Variants in TLN2 observed in about 807,000 individuals in gnomAD.
TLN2 encodes talin-2.
In TLN2, 118 loss-of-function variants were observed where a neutral mutation model predicts 294.7. The ratio of observed to expected loss-of-function variants is 0.40; its 90% CI spans 0.34 to 0.47. TLN2 has a LOEUF of 0.47. TLN2 is among the 20% of genes least tolerant of loss of function. TLN2 has a pLI of 0.84. For synonymous variants in TLN2, 1,431 were observed against 1,304.5 expected (o/e 1.10, Z -2.09); for missense variants, 3,083 against 3,282.2 (o/e 0.94, Z 1.48).
intron 1 of TLN2, among the ~76,000 whole-genome samples, chr15:62,551,935 G>T (rs2042338776): frequency 6.6e-6 from 1 of 152,182 alleles, no homozygotes; most frequent in African/African-American, 2.4e-5. Context: ...TATTGTTTTA[G>T]GCTTTAGAGT....
chr15:62,421,393 C>T (rs2034381214), intron 1 of TLN2, among the ~76,000 whole-genome samples: 1 of 152,004 alleles, frequency 6.6e-6, no homozygotes, highest in African/African-American at 2.4e-5. Flanking sequence ...TACTAGGGGG[C>T]AGGTTAACAC....
chr15:62,728,512 A>C (rs1384894454), intron 28 of TLN2, among the ~76,000 whole-genome samples: 1 of 152,036 alleles, frequency 6.6e-6, no homozygotes, highest in African/African-American at 2.4e-5. Context: ...TGTTCAGTAC[A>C]TTTCTTTCAG....
intron 32 of TLN2, among the ~76,000 whole-genome samples, chr15:62,746,494 C>G (rs1333140472): frequency 6.6e-6 from 1 of 152,184 alleles, no homozygotes; most frequent in Non-Finnish European, 1.5e-5. Flanking sequence ...GTCAATCTTA[C>G]AAAAACTATT....
At chr15:62,505,216 C>T (rs993667106) in intron 1 of TLN2, among the ~76,000 whole-genome samples, 1 of 152,162 alleles carries the variant, frequency 6.6e-6, no homozygotes, top group Non-Finnish European at 1.5e-5. Flanking sequence ...CTCGGCCTCC[C>T]AAAGTGCTGG....
intron 9 of TLN2, among the ~76,000 whole-genome samples, chr15:62,668,960 T>A (rs942001363): frequency 6.6e-6 from 1 of 152,226 alleles, no homozygotes; most frequent in Non-Finnish European, 1.5e-5. Flanking sequence ...ATTCTAACTT[T>A]GAACTTACAC....
intron 1 of TLN2, among the ~76,000 whole-genome samples, chr15:62,437,773 GTC>G (rs1339421531): frequency 2.6e-5 from 4 of 151,026 alleles, no homozygotes; most frequent in Non-Finnish European, 2.9e-5. Context: ...GTGTGTGTGT[GTC>G]TGTCTGTCTG....
chr15:62,678,317 A>G (rs1023554722), intron 11 of TLN2, among the ~76,000 whole-genome samples: 2 of 152,216 alleles, frequency 1.3e-5, no homozygotes, highest in African/African-American at 4.8e-5. Flanking sequence ...GAATGAGTCA[A>G]TATTAAGAAT....
intron 1 of TLN2, among the ~76,000 whole-genome samples, chr15:62,586,176 C>T (rs182278026): frequency 1.4e-3 from 215 of 152,290 alleles, no homozygotes; most frequent in Admixed American, 3.9e-3. Context: ...GGACTTGTTT[C>T]GCACTAAAGG....
intron 1 of TLN2, among the ~76,000 whole-genome samples, chr15:62,541,140 T>G (rs1596063137): frequency 6.6e-6 from 1 of 152,090 alleles, no homozygotes; most frequent in East Asian, 1.9e-4. Context: ...TCACCCCGAG[T>G]AGATGATTTT....
At chr15:62,675,736 G>A (rs1171362423) in intron 11 of TLN2, among the ~76,000 whole-genome samples, 1 of 152,206 alleles carries the variant, frequency 6.6e-6, no homozygotes. Context: ...TATACTTTAA[G>A]ACAGGGCTTG....
chr15:62,770,893 CTG>C, intron 41 of TLN2, 69 bp from the exon 42 acceptor site: 1 of 1,533,416 alleles, frequency 6.5e-7, no homozygotes, highest in South Asian at 1.3e-5. Context: ...CCGCGCCTGA[CTG>C]TGGAGCCCCT....
intron 2 of TLN2, among the ~76,000 whole-genome samples, chr15:62,606,168 G>A (rs1184510080): frequency 4.6e-5 from 7 of 151,948 alleles, no homozygotes; most frequent in East Asian, 1.9e-4. Flanking sequence ...TGCAACCTCC[G>A]CCTCCCAGGT....
intron 1 of TLN2, among the ~76,000 whole-genome samples, chr15:62,463,342 CGTT>C (rs939179454): frequency 2.6e-5 from 4 of 152,044 alleles, no homozygotes; most frequent in African/African-American, 4.8e-5. Context: ...TGGTGAGAAC[CGTT>C]GTTGTTAATT....
intron 11 of TLN2, among the ~76,000 whole-genome samples, chr15:62,682,321 T>A (rs1181413432): frequency 6.6e-6 from 1 of 152,230 alleles, no homozygotes; most frequent in Non-Finnish European, 1.5e-5. Context: ...AATTTAAAAT[T>A]GGAAAATTCA....
In TLN2 at chr15:62,784,976, C is replaced by T. The variant is rs2064519518; in HGVS notation, c.5736+1086C>T. On this transcript the variant is annotated intron_variant, in intron 45 of 58. Coordinates refer to ENST00000636159, the MANE Select transcript of TLN2 (RefSeq NM_015059.3). ...CCGAGAGATATTCCAGAAATGAAGT[C>T]CCAAAACAAATCACTTTCTAATGTG... 3 of 152,228 alleles carry T rather than the reference C, an allele frequency of 2.0e-5. No individual in the cohort carries two copies. In the South Asian group the frequency reaches 6.2e-4, roughly 32 times the overall value. The allele number at this position is 152,228 out of a possible 1,614,324, so 9.4% of individuals were successfully genotyped here. A position where few individuals can be genotyped will look rare whatever the true frequency, so the allele number is the denominator to read the frequency against.
chr15:62,716,231 T>C, intron 22 of TLN2, 100 bp from the exon 23 acceptor site: 1 of 1,300,740 alleles, frequency 7.7e-7, no homozygotes, highest in Non-Finnish European at 9.9e-7. Context: ...TGACTATCCT[T>C]GCAAATGCTT....
At chr15:62,396,620 C>T (rs954344850) in intron 1 of TLN2, among the ~76,000 whole-genome samples, 5 of 152,134 alleles carry the variant, frequency 3.3e-5, no homozygotes, top group Admixed American at 1.3e-4. Context: ...CTCAGGAAAG[C>T]TCTTACAAGC....
Position 62,652,011 on chromosome 15 carries a change from T to C in TLN2, c.241T>C (p.Leu81=). The C allele has an allele frequency of 4.4e-6, 7 of 1,609,076 alleles. No homozygotes were observed. Among genetic ancestry groups the C allele is most frequent in the Admixed American group, 1.7e-5 (1 of 59,764 alleles). ...TATGTGGTTTGTGCTCTAGGATATT[T>C]TGGAATATAAAAAGAAACAGAGACC... ...DYYMLRNGDI[L]EYKKKQRPQK... Residue 81 remains leucine (L), a synonymous_variant, in exon 6 of 59, where the codon TTG becomes CTG. Coordinates refer to ENST00000636159, the MANE Select transcript of TLN2 (RefSeq NM_015059.3).
chr15:62,457,395 C>A (rs938525258), intron 1 of TLN2, among the ~76,000 whole-genome samples: 1 of 152,230 alleles, frequency 6.6e-6, no homozygotes, highest in South Asian at 2.1e-4. Context: ...CCAGCACCAT[C>A]CCCCTTGGGT....
Sources: allele counts gnomAD v4.1 joint callset (sites outside exome capture counted in the v4.1 genomes callset), GRCh38; gene constraint gnomAD v4.1.1; transcripts MANE v1.5; gene names NCBI Gene and HGNC (gene_info 2026-07-23, HGNC 2026-07-21).